Variants in CTNNA3 observed in about 807,000 individuals in gnomAD.
CTNNA3 encodes catenin alpha 3, also known as catenin alpha-3.
A neutral mutation model predicts 95.7 loss-of-function variants in CTNNA3; 76 were observed. The ratio of observed to expected loss-of-function variants is 0.79; its 90% CI spans 0.66 to 0.96. CTNNA3 has a LOEUF of 0.96. CTNNA3 is among the 40% of genes least tolerant of loss of function. CTNNA3 has a pLI of 0.00. For missense variants in CTNNA3, 1,191 were observed against 1,089.8 expected (o/e 1.09, Z -1.31); for synonymous variants, 431 against 374.4 (o/e 1.15, Z -1.74).
intron 7 of CTNNA3, among the ~76,000 whole-genome samples, chr10:67,132,395 A>T (rs2132021633): frequency 6.6e-6 from 1 of 152,192 alleles, no homozygotes; most frequent in East Asian, 1.9e-4. Flanking sequence ...TTTGCTGGAC[A>T]ACTATAAAAC....
Position 67,125,444 on chromosome 10 carries a change from T to C in CTNNA3, c.1047+54873A>G, listed in dbSNP as rs149929328. Among the ~76,000 whole-genome samples, 547 of 152,326 alleles carry C rather than the reference T, an allele frequency of 3.6e-3. 2 individuals carry two copies. The highest frequency in any genetic ancestry group is 0.012 in the African/African-American group (519 of 41,560). ...AATGAATCATTAGCAATTGATGTTC[T>C]TTCCAAATATTTTAGTGCCCCTAAA... On this transcript the variant is annotated intron_variant, in intron 7 of 17. Coordinates refer to ENST00000433211, the MANE Select transcript of CTNNA3 (RefSeq NM_013266.4).
chr10:67,062,242 C>T (rs1369717970), intron 7 of CTNNA3, among the ~76,000 whole-genome samples: 1 of 152,120 alleles, frequency 6.6e-6, no homozygotes, highest in African/African-American at 2.4e-5. Flanking sequence ...AAACCTTACT[C>T]AGTGTGATCA....
chr10:66,627,218 G>A (rs1346675273), intron 9 of CTNNA3, among the ~76,000 whole-genome samples: 1 of 152,030 alleles, frequency 6.6e-6, no homozygotes, highest in Admixed American at 6.6e-5. Flanking sequence ...GGATATTCTG[G>A]CCTTCCATCC....
intron 17 of CTNNA3, among the ~76,000 whole-genome samples, chr10:65,936,218 G>C (rs2077334970): frequency 6.6e-6 from 1 of 151,990 alleles, no homozygotes; most frequent in Non-Finnish European, 1.5e-5. Flanking sequence ...ATGTTGATTA[G>C]GATTCTTTAT....
chr10:66,107,442 A>G (rs77372553), intron 13 of CTNNA3, among the ~76,000 whole-genome samples: 1,747 of 152,280 alleles, frequency 0.011, 65 homozygotes, highest in East Asian at 0.081. Flanking sequence ...AATTATTAAT[A>G]TTGTTTATGA....
At chr10:66,652,207 A>C (rs1845935279) in intron 9 of CTNNA3, among the ~76,000 whole-genome samples, 1 of 152,066 alleles carries the variant, frequency 6.6e-6, no homozygotes, top group Admixed American at 6.5e-5. Context: ...ATAGAAAAAA[A>C]ATCAACAAAA....
intron 9 of CTNNA3, among the ~76,000 whole-genome samples, chr10:66,720,499 C>G (rs1204673769): frequency 6.6e-6 from 1 of 152,148 alleles, no homozygotes; most frequent in Non-Finnish European, 1.5e-5. Flanking sequence ...CCTTCTCTCT[C>G]TAATGTGACT....
intron 12 of CTNNA3, among the ~76,000 whole-genome samples, chr10:66,369,622 T>C (rs75915224): frequency 0.016 from 2,495 of 152,292 alleles, 72 homozygotes; most frequent in African/African-American, 0.058. Context: ...CCATGCATGA[T>C]AAACAATTAA....
chr10:66,693,256 A>G (rs547827340), intron 9 of CTNNA3, among the ~76,000 whole-genome samples: 50 of 151,944 alleles, frequency 3.3e-4, no homozygotes, highest in Middle Eastern at 3.4e-3. Flanking sequence ...AAATAAAAGG[A>G]TGGAGGAAGA....
At chr10:66,027,223 G>A (rs887601154) in intron 15 of CTNNA3, among the ~76,000 whole-genome samples, 5 of 151,950 alleles carry the variant, frequency 3.3e-5, no homozygotes, top group Non-Finnish European at 7.4e-5. Context: ...CTTGCAAATT[G>A]GAAGATAAAA....
At chr10:66,140,357 G>T (rs1254551584) in intron 13 of CTNNA3, among the ~76,000 whole-genome samples, 1 of 152,098 alleles carries the variant, frequency 6.6e-6, no homozygotes, top group African/African-American at 2.4e-5. Flanking sequence ...TATCTTTGAG[G>T]TATAGTGAAC....
At chr10:66,795,117 C>T (rs1841137404) in intron 7 of CTNNA3, among the ~76,000 whole-genome samples, 1 of 152,106 alleles carries the variant, frequency 6.6e-6, no homozygotes, top group Non-Finnish European at 1.5e-5. Flanking sequence ...ATTTTGACCT[C>T]CTCTCATGAA....
intron 7 of CTNNA3, among the ~76,000 whole-genome samples, chr10:67,011,781 C>A (rs576743660): frequency 2.8e-4 from 43 of 152,134 alleles, no homozygotes; most frequent in African/African-American, 1.0e-3. Context: ...TTATCATCAA[C>A]CATACATACA....
intron 2 of CTNNA3, among the ~76,000 whole-genome samples, chr10:67,620,923 G>GTATATATATATA (rs56300519): frequency 1.0e-4 from 13 of 123,850 alleles, no homozygotes; most frequent in African/African-American, 2.4e-4. Context: ...GTGTGTGTGT[G>GTATATATATATA]TATATATATA....
At chr10:66,588,824 T>C (rs1843450035) in intron 10 of CTNNA3, among the ~76,000 whole-genome samples, 1 of 152,060 alleles carries the variant, frequency 6.6e-6, no homozygotes, top group South Asian at 2.1e-4. Context: ...CTTTTGAGGA[T>C]GGACAAGGCA....
intron 7 of CTNNA3, among the ~76,000 whole-genome samples, chr10:66,969,281 T>A (rs1381960540): frequency 6.6e-6 from 1 of 152,168 alleles, no homozygotes; most frequent in Non-Finnish European, 1.5e-5. Flanking sequence ...ATCAATTTTA[T>A]GTCTTATTTT....
chr10:66,373,887 G>T (rs1460503019), intron 12 of CTNNA3, among the ~76,000 whole-genome samples: 1 of 152,188 alleles, frequency 6.6e-6, no homozygotes, highest in Non-Finnish European at 1.5e-5. Context: ...TTAAAAATCT[G>T]ACCCCAAGTT....
intron 12 of CTNNA3, among the ~76,000 whole-genome samples, chr10:66,313,429 A>G (rs990781148): frequency 3.3e-5 from 5 of 152,168 alleles, no homozygotes; most frequent in Non-Finnish European, 5.9e-5. Flanking sequence ...CTGCAATTGC[A>G]TTAACTTTGT....
intron 16 of CTNNA3, among the ~76,000 whole-genome samples, chr10:65,985,439 C>T (rs891134878): frequency 1.1e-4 from 16 of 151,112 alleles, no homozygotes; most frequent in Non-Finnish European, 2.2e-4. Flanking sequence ...GCAGCAGCTG[C>T]TTAGAAATAC....
Sources: gnomAD v4.1 joint callset for allele counts (sites outside exome capture counted in the v4.1 genomes callset) on GRCh38, gnomAD v4.1.1 for gene constraint, MANE v1.5 for transcripts, NCBI Gene and HGNC (gene_info 2026-07-23, HGNC 2026-07-21) for gene names.